The following XPR1 variants were observed in gnomAD, a reference collection of about 807,000 sequenced individuals.
XPR1 encodes xenotropic and polytropic retrovirus receptor 1, also known as solute carrier family 53 member 1.
A neutral mutation model predicts 87.5 loss-of-function variants in XPR1; 28 were observed. The ratio of observed to expected loss-of-function variants is 0.32; its 90% CI spans 0.24 to 0.44. The LOEUF is 0.44. Ranked by LOEUF, XPR1 falls within the 20% of genes least tolerant of loss-of-function variation. The pLI is 1.00. For synonymous variants in XPR1, 300 were observed against 306.1 expected (o/e 0.98, Z 0.21); for missense variants, 559 against 862.3 (o/e 0.65, Z 4.41).
At chr1:180,880,015 T>C in intron 13 of XPR1, 61 bp from the exon 14 acceptor site, 4 of 1,574,584 alleles carry the variant, frequency 2.5e-6, no homozygotes, top group Admixed American at 1.7e-5. Flanking sequence ...CTGGGAGGTT[T>C]ACAGGTAGCA....
At chr1:180,711,189 G>A (rs1394565645) in intron 2 of XPR1, among the ~76,000 whole-genome samples, 10 of 149,510 alleles carry the variant, frequency 6.7e-5, no homozygotes, top group East Asian at 2.0e-4. Context: ...AGGCAGAGAC[G>A]CTCCTCACTT....
chr1:180,877,592 A>G (rs536416421), intron 13 of XPR1, among the ~76,000 whole-genome samples: 192 of 152,334 alleles, frequency 1.3e-3, no homozygotes, highest in African/African-American at 4.5e-3. Context: ...TTAACATAGG[A>G]AAGAACCCTA....
chr1:180,712,459 A>G (rs564405111), intron 2 of XPR1, among the ~76,000 whole-genome samples: 2 of 152,316 alleles, frequency 1.3e-5, no homozygotes, highest in South Asian at 2.1e-4. Context: ...GCTGTTGACA[A>G]TGGTAACCGA....
chr1:180,840,024 C>T (rs1384409972), intron 11 of XPR1, among the ~76,000 whole-genome samples: 1 of 151,444 alleles, frequency 6.6e-6, no homozygotes, highest in Admixed American at 6.6e-5. Flanking sequence ...GAGATCGAGA[C>T]CATCCTGGCT....
intron 2 of XPR1, among the ~76,000 whole-genome samples, chr1:180,752,461 G>A (rs1416190098): frequency 1.3e-5 from 2 of 152,058 alleles, no homozygotes; most frequent in African/African-American, 4.8e-5. Flanking sequence ...GAGAGCTTTA[G>A]CAGTAACAAC....
chr1:180,744,511 G>C (rs1571790823), intron 2 of XPR1, among the ~76,000 whole-genome samples: 1 of 151,874 alleles, frequency 6.6e-6, no homozygotes, highest in South Asian at 2.1e-4. Flanking sequence ...GCCATGTGTT[G>C]AGATTTTCCA....
chr1:180,713,092 C>T (rs879447073), intron 2 of XPR1, among the ~76,000 whole-genome samples: 2 of 151,636 alleles, frequency 1.3e-5, no homozygotes, highest in South Asian at 2.1e-4. Context: ...TTGGGGAAAA[C>T]GTTGACATCT....
At position 180,809,020 on chromosome 1, in the gene XPR1, G is replaced by A. The variant is rs574649042; in HGVS notation, c.682-2387G>A. Among the ~76,000 whole-genome samples the A allele has an allele frequency of 5.9e-5, 9 of 152,244 alleles. No homozygotes were observed. In the South Asian group the frequency reaches 1.9e-3, roughly 32 times the overall value. ...ATCTAAACAACCCAAATGTCTATCA[G>A]TAGGTGAATGGATAAACAATTTGTG... On this transcript the variant is annotated intron_variant, in intron 6 of 14. Coordinates refer to ENST00000367590, the MANE Select transcript of XPR1 (RefSeq NM_004736.4).
chr1:180,863,177 T>G (rs1484211228), intron 11 of XPR1, among the ~76,000 whole-genome samples: 1 of 152,132 alleles, frequency 6.6e-6, no homozygotes, highest in Non-Finnish European at 1.5e-5. Flanking sequence ...GGTAAAATCC[T>G]TATCACTCTG....
intron 2 of XPR1, among the ~76,000 whole-genome samples, chr1:180,685,445 CT>C: frequency 6.6e-6 from 1 of 152,162 alleles, no homozygotes; most frequent in East Asian, 1.9e-4. Context: ...GTCTAAAATT[CT>C]CTTTTTTTGT....
At chr1:180,777,332 C>T (rs1249591984) in intron 2 of XPR1, among the ~76,000 whole-genome samples, 1 of 152,190 alleles carries the variant, frequency 6.6e-6, no homozygotes, top group African/African-American at 2.4e-5. Context: ...ACTATTCTCT[C>T]TGCTTAAAAT....
intron 2 of XPR1, among the ~76,000 whole-genome samples, chr1:180,695,109 T>C (rs1463502718): frequency 1.3e-5 from 2 of 152,210 alleles, no homozygotes; most frequent in Middle Eastern, 3.2e-3. Context: ...AGTTGATATC[T>C]CATTGTGGTT....
In XPR1 at chr1:180,758,114, TACAC is replaced by T. The variant is rs71121050; in HGVS notation, c.122-29609_122-29606del. 6.9e-3 allele frequency among the ~76,000 whole-genome samples: 974 copies of T among 141,176 alleles called. 10 individuals carry two copies. The highest frequency in any genetic ancestry group is 0.022 in the African/African-American group (855 of 38,750). The allele number at this position is 141,176 out of a possible 152,430, so 92.6% of individuals were successfully genotyped here. A position where few individuals can be genotyped will look rare whatever the true frequency, so the allele number is the denominator to read the frequency against. On this transcript the variant is annotated intron_variant, in intron 2 of 14. Transcript: ENST00000367590. The stretch of plus-strand genomic sequence containing the variant: ...ACATATATATGAACATATAGAAGGA[TACAC>T]ACACACACACACACACACACACACA...
At chr1:180,749,748 GCTTTCCC>G (rs1387377643) in intron 2 of XPR1, among the ~76,000 whole-genome samples, 1 of 151,152 alleles carries the variant, frequency 6.6e-6, no homozygotes, top group East Asian at 1.9e-4. Flanking sequence ...ATTAAATACT[GCTTTCCC>G]CTTTTCTCCC....
At position 180,840,764 on chromosome 1, in the gene XPR1, CAGAG is replaced by C. The variant is rs570950959; in HGVS notation, c.1501+4051_1501+4054del. Among the ~76,000 whole-genome samples the C allele has an allele frequency of 5.9e-4, 90 of 151,480 alleles. 3 individuals are homozygous for C. The South Asian group carries it at 0.017, about 29-fold the overall frequency. On this transcript the variant is annotated intron_variant, in intron 11 of 14. Coordinates refer to ENST00000367590, the MANE Select transcript of XPR1 (RefSeq NM_004736.4). ...AAATTTTTAACTAAAAAGCTTAAAA[CAGAG>C]AGGAAAAAATTGAAATATATATATA...
Position 180,632,045 on chromosome 1 carries a change from G to T in XPR1, c.-157G>T, listed in dbSNP as rs207460720. On this transcript the variant is annotated 5_prime_UTR_variant, in exon 1 of 15. Transcript: ENST00000367590. ...CTATGGAGAGGAGGAGGAAGATGGC[G>T]GGCGGGCTGCTCTGAAGAGACCTCG... is the stretch of plus-strand genomic sequence containing the variant. The T allele has an allele frequency of 3.8e-6, 3 of 784,214 alleles. No individual in the cohort carries two copies. Among genetic ancestry groups the T allele is most frequent in the African/African-American group, 3.4e-5 (2 of 58,300 alleles). 48.6% of individuals were successfully genotyped at this position (784,214 alleles called of 1,614,324 possible).
At chr1:180,777,330 C>G (rs1438136522) in intron 2 of XPR1, among the ~76,000 whole-genome samples, 1 of 152,186 alleles carries the variant, frequency 6.6e-6, no homozygotes, top group Non-Finnish European at 1.5e-5. Context: ...ATACTATTCT[C>G]TCTGCTTAAA....
At chr1:180,705,682 G>T (rs1657532424) in intron 2 of XPR1, among the ~76,000 whole-genome samples, 2 of 152,018 alleles carry the variant, frequency 1.3e-5, no homozygotes. Flanking sequence ...TAACATGTTA[G>T]CAAAACAATA....
intron 12 of XPR1, among the ~76,000 whole-genome samples, chr1:180,866,112 T>G (rs1221987619): frequency 2.6e-5 from 4 of 152,032 alleles, no homozygotes; most frequent in Non-Finnish European, 5.9e-5. Flanking sequence ...CTCGGGATGC[T>G]GAGGCAGGAG....
Sources: allele counts gnomAD v4.1 joint callset (sites outside exome capture counted in the v4.1 genomes callset), GRCh38; gene constraint gnomAD v4.1.1; transcripts MANE v1.5; gene names NCBI Gene and HGNC (gene_info 2026-07-23, HGNC 2026-07-21).